Variants in CRISP1 observed in about 807,000 individuals in gnomAD.
CRISP1 encodes cysteine-rich secretory protein 1.
Under a neutral mutation model 33.1 loss-of-function variants are expected in CRISP1, and 44 were observed. That is an observed-to-expected ratio of 1.33 (90% confidence interval 1.05 to 1.71). The LOEUF is 1.71. Ranked by LOEUF, CRISP1 falls within the 40% of genes most tolerant of loss-of-function variation. The pLI is 0.00. For missense variants in CRISP1, 390 were observed against 301.2 expected (o/e 1.29, Z -2.18); for synonymous variants, 103 against 98.7 (o/e 1.04, Z -0.26).
upstream of CRISP1, among the ~76,000 whole-genome samples, chr6:49,869,591 A>G (rs1243969243): frequency 2.0e-5 from 3 of 152,156 alleles, no homozygotes; most frequent in East Asian, 3.8e-4. Flanking sequence ...AGTTTTTTCT[A>G]CAGCTCACTT....
At chr6:49,863,949 A>T (rs1190156038) in intron 1 of CRISP1, among the ~76,000 whole-genome samples, 3 of 152,206 alleles carry the variant, frequency 2.0e-5, no homozygotes, top group African/African-American at 7.2e-5. Context: ...GCAAGTCTTA[A>T]GTGTATAGTT....
At chr6:49,846,713 A>G (rs1400741135) in intron 4 of CRISP1, 45 bp from the exon 5 acceptor site, 2 of 1,578,496 alleles carry the variant, frequency 1.3e-6, no homozygotes, top group East Asian at 4.5e-5. Flanking sequence ...ACAAATGGGA[A>G]ATAGTATACA....
chr6:49,867,406 T>C (rs942212958), upstream of CRISP1, among the ~76,000 whole-genome samples: 3 of 152,074 alleles, frequency 2.0e-5, no homozygotes, highest in Admixed American at 2.0e-4. Context: ...ATTAAGTCTT[T>C]GTTCTTTGTA....
chr6:49,846,706 A>G, intron 4 of CRISP1, 38 bp from the exon 5 acceptor site: 1 of 1,595,780 alleles, frequency 6.3e-7, no homozygotes, highest in South Asian at 1.1e-5. Context: ...ACTCTGAACA[A>G]ATGGGAAATA....
intron 1 of CRISP1, among the ~76,000 whole-genome samples, chr6:49,861,419 T>C (rs1771649884): frequency 6.6e-6 from 1 of 152,160 alleles, no homozygotes; most frequent in Admixed American, 6.6e-5. Context: ...GTGGGATTTA[T>C]AGCAGGGATG....
intron 2 of CRISP1, among the ~76,000 whole-genome samples, chr6:49,854,516 AC>A (rs1374641501): frequency 1.3e-5 from 2 of 152,144 alleles, no homozygotes; most frequent in African/African-American, 4.8e-5. Context: ...ACAGGTGTGC[AC>A]CACCATTACT....
intron 1 of CRISP1, among the ~76,000 whole-genome samples, chr6:49,858,566 T>G (rs1032616213): frequency 2.0e-5 from 3 of 152,192 alleles, no homozygotes; most frequent in Non-Finnish European, 4.4e-5. Flanking sequence ...TCTAAATCAA[T>G]TCTTTCAGAG....
chr6:49,864,439 T>C (rs934742428), intron 1 of CRISP1, among the ~76,000 whole-genome samples: 1 of 151,164 alleles, frequency 6.6e-6, no homozygotes, highest in Non-Finnish European at 1.5e-5. Context: ...TGTTTGGATA[T>C]ATACCCCAGA....
Position 49,840,986 on chromosome 6 carries a change from C to T in CRISP1, c.445G>A (p.Ala149Thr). ...TTDHYTQIVW[A>T]TSYLIGCAIA... ...GCACAGCCAATCAGGTAAGATGTGG[C>T]CCAAACAATCTGCAATGATAAAGAG... is the stretch of plus-strand genomic sequence containing the variant. Residue 149 changes from alanine to threonine, a missense_variant, in exon 6 of 8, where the codon GCC becomes ACC. Ala to Thr is a moderately conservative substitution (Grantham distance 58, BLOSUM62 0). Transcript: ENST00000335847. The T allele has an allele frequency of 2.5e-6, 4 of 1,613,204 alleles. No individual in the cohort carries two copies. The highest frequency in any genetic ancestry group is 1.1e-5 in the South Asian group (1 of 91,006).
rs749526645 is a variant in CRISP1, at chr6:49,838,476, A to C, written c.583T>G (p.Cys195Gly). The C allele has an allele frequency of 1.4e-5, 23 of 1,613,570 alleles. No homozygotes were observed. The Middle Eastern group carries it at 5.0e-4, about 35-fold the overall frequency. ...TCACAGTTACTTGGGCAGGCTTCACATGGGACGCCTGTCTTATAAGGTTCA... is the reference window on the plus strand; with the variant it reads ...TCACAGTTACTTGGGCAGGCTTCACCTGGGACGCCTGTCTTATAAGGTTCA... ...KNEPYKTGVP[C>G]EACPSNCEDK... Residue 195 changes from cysteine to glycine, a missense_variant, in exon 7 of 8, where the codon TGT (cysteine) becomes GGT (glycine). Transcript: ENST00000335847.
chr6:49,872,876 C>T (rs1771957551), intron 1 of CRISP1, among the ~76,000 whole-genome samples: 2 of 152,086 alleles, frequency 1.3e-5, no homozygotes, highest in South Asian at 4.1e-4. Context: ...ATTGGCTTGG[C>T]AATGCAGGCT....
At chr6:49,868,732 G>T (rs1771857031), upstream of CRISP1, among the ~76,000 whole-genome samples, 1 of 152,002 alleles carries the variant, frequency 6.6e-6, no homozygotes, top group Non-Finnish European at 1.5e-5. Context: ...AATCCCATTT[G>T]TGTCTCATTG....
At chr6:49,868,493 A>T (rs575209570), upstream of CRISP1, among the ~76,000 whole-genome samples, 68 of 152,312 alleles carry the variant, frequency 4.5e-4, no homozygotes, top group African/African-American at 1.6e-3. Flanking sequence ...TTTTAAAAGA[A>T]ACTTTAAATC....
chr6:49,876,598 A>G (rs1772040669), intron 1 of CRISP1, among the ~76,000 whole-genome samples: 2 of 152,006 alleles, frequency 1.3e-5, no homozygotes, highest in South Asian at 2.1e-4. Flanking sequence ...TGTTCACAGC[A>G]GCACTATTCT....
At chr6:49,848,441 T>C in intron 3 of CRISP1, 142 bp from the exon 4 acceptor site, 2 of 482,704 alleles carry the variant, frequency 4.1e-6, no homozygotes, top group Non-Finnish European at 7.2e-6. Flanking sequence ...CTATTAAACG[T>C]TCTAGTAGAA....
At chr6:49,849,881 C>CA (rs150055243) in intron 3 of CRISP1, among the ~76,000 whole-genome samples, 14,622 of 150,482 alleles carry the variant, frequency 0.097, 969 homozygotes, top group Non-Finnish European at 0.15. Context: ...TAGTTTCAAA[C>CA]AAAAAAAAAT....
chr6:49,856,728 A>G (rs1771507273), intron 2 of CRISP1, among the ~76,000 whole-genome samples: 2 of 152,224 alleles, frequency 1.3e-5, no homozygotes, highest in African/African-American at 4.8e-5. Context: ...TATTTTCTTT[A>G]TATCATTGAA....
intron 1 of CRISP1, among the ~76,000 whole-genome samples, chr6:49,858,464 T>G (rs906333307): frequency 1.3e-5 from 2 of 152,168 alleles, no homozygotes; most frequent in Non-Finnish European, 2.9e-5. Context: ...GGGCAGACAA[T>G]TAATCATGCT....
At chr6:49,848,110 A>T in intron 4 of CRISP1, 99 bp downstream of exon 4, 1 of 642,734 alleles carries the variant, frequency 1.6e-6, no homozygotes, top group East Asian at 2.7e-5. Flanking sequence ...GAGGAAATCT[A>T]GATGACTTAA....
Sources: gnomAD v4.1 joint callset for allele counts (sites outside exome capture counted in the v4.1 genomes callset) on GRCh38, gnomAD v4.1.1 for gene constraint, MANE v1.5 for transcripts, NCBI Gene and HGNC (gene_info 2026-07-23, HGNC 2026-07-21) for gene names.